Variants in RPL3 observed in about 807,000 individuals in gnomAD.
The protein encoded by RPL3 is ribosomal protein L3.
RPL3 carries 3 observed loss-of-function variants against 46.0 expected under a neutral mutation model. The ratio of observed to expected loss-of-function variants is 0.07; its 90% confidence interval spans 0.03 to 0.17. The LOEUF (loss-of-function observed/expected upper bound fraction) is 0.17, where lower values mean the gene tolerates loss of function less well. RPL3 is among the 10% of genes least tolerant of loss of function. The probability of loss-of-function intolerance (pLI) is 1.00; values close to 1 mark genes in which losing one functional copy is unlikely to be tolerated. For missense variants in RPL3, 387 were observed against 532.7 expected (o/e 0.73, Z 2.69); for synonymous variants, 224 against 190.8 (o/e 1.17, Z -1.43).
chr22:39,317,802 T>C (rs1277560467), intron 2 of RPL3, 173 bp from the exon 3 acceptor site: 2 of 663,724 alleles, frequency 3.0e-6, no homozygotes, highest in Non-Finnish European at 5.1e-6. Context: ...AGCACATTTA[T>C]GTTATTCAAA....
chr22:39,317,040 G>T, intron 3 of RPL3, 199 bp from the exon 4 acceptor site: 5 of 762,094 alleles, frequency 6.6e-6, no homozygotes, highest in Non-Finnish European at 8.7e-6. Flanking sequence ...AGGTCCACAA[G>T]GTTAATTTAA....
intron 4 of RPL3, 141 bp from the exon 5 acceptor site, chr22:39,315,696 A>G: frequency 2.1e-6 from 2 of 961,500 alleles, no homozygotes; most frequent in Non-Finnish European, 1.5e-6. Context: ...AACCTCACCA[A>G]GAGGAAGGAA....
At chr22:39,315,585 A>T in intron 4 of RPL3, 30 bp from the exon 5 acceptor site, 1 of 1,611,654 alleles carries the variant, frequency 6.2e-7, no homozygotes, top group Non-Finnish European at 8.5e-7. Flanking sequence ...GCTCAGCTCC[A>T]GCTGCCAGCG....
At chr22:39,316,888 C>T (rs1922731158) in intron 3 of RPL3, 47 bp from the exon 4 acceptor site, 1 of 1,612,898 alleles carries the variant, frequency 6.2e-7, no homozygotes, top group African/African-American at 1.3e-5. Flanking sequence ...TGCAGGCCTT[C>T]ATCACCCCTC....
chr22:39,318,670 C>A, intron 1 of RPL3, 78 bp from the exon 2 acceptor site: 1 of 1,210,432 alleles, frequency 8.3e-7, no homozygotes, highest in Non-Finnish European at 1.1e-6. Context: ...GCTTAAGTTC[C>A]AAATCTCAGC....
Position 39,314,777 on chromosome 22 carries a change from C to G in RPL3, c.758G>C (p.Cys253Ser). 6.2e-7 allele frequency: 1 copy of G among 1,613,746 alleles called. No homozygotes were observed. Among genetic ancestry groups the G allele is most frequent in the Non-Finnish European group, 8.5e-7 (1 of 1,179,986 alleles). Residue 253 changes from cysteine to serine, a missense_variant, in exon 6 of 10, where the codon TGT (cysteine) becomes TCT (serine). By Grantham distance (112) the Cys-to-Ser change is moderately radical. Coordinates refer to ENST00000216146, the MANE Select transcript of RPL3 (RefSeq NM_000967.4). ...KTHRGLRKVA[C>S]IGAWHPARVA... ...ACGAGCAGGATGCCATGCCCCAATA[C>G]AGGCCACCTTGCGCAGGCCTCGGTG...
intron 4 of RPL3, among the ~76,000 whole-genome samples, chr22:39,315,968 G>A (rs1016864702): frequency 4.6e-5 from 7 of 152,150 alleles, no homozygotes; most frequent in Admixed American, 6.5e-5. Context: ...CACCGGGAGC[G>A]GTGGCTCACA....
intron 3 of RPL3, chr22:39,317,202 GT>G: frequency 1.8e-6 from 1 of 569,682 alleles, no homozygotes; most frequent in Non-Finnish European, 3.1e-6. Flanking sequence ...ACCTCTCCTG[GT>G]TTCTAGTTGG....
At chr22:39,314,498 A>G (rs1407151643) in intron 6 of RPL3, 188 bp downstream of exon 6, 6 of 702,732 alleles carry the variant, frequency 8.5e-6, no homozygotes, top group Non-Finnish European at 1.4e-5. Context: ...GCCCCACCAC[A>G]GCCACTCTAC....
chr22:39,316,994 G>A, intron 3 of RPL3, 153 bp from the exon 4 acceptor site: 1 of 1,155,218 alleles, frequency 8.7e-7, no homozygotes. Context: ...GAGCCTGGAT[G>A]GAGCTCATCG....
At position 39,313,209 on chromosome 22, in the gene RPL3, C is replaced by T. The variant is rs532945767; in HGVS notation, c.1149G>A (p.Glu383=). 12 of 1,608,792 alleles carry T rather than the reference C, an allele frequency of 7.5e-6. No homozygotes were observed. In the East Asian group the frequency reaches 2.5e-4, roughly 33 times the overall value. Residue 383 remains glutamate, a synonymous_variant, in exon 9 of 10, where the codon GAG becomes GAA. Coordinates refer to ENST00000216146, the MANE Select transcript of RPL3 (RefSeq NM_000967.4). ...KFGHGRFQTM[E]EKKAFMGPLK... is the part of the protein sequence containing the mutation. Reference sequence around the variant, plus strand: ...TGCTCACCATGAATGCTTTCTTCTCCTCCATGGTCTGGAAGCGGCCATGGC... The same window carrying T: ...TGCTCACCATGAATGCTTTCTTCTCTTCCATGGTCTGGAAGCGGCCATGGC...
chr22:39,313,444 A>G, intron 8 of RPL3, 134 bp from the exon 9 acceptor site: 5 of 1,440,820 alleles, frequency 3.5e-6, no homozygotes, highest in Non-Finnish European at 4.8e-6. Flanking sequence ...ATGAGGACAC[A>G]CTCAAAGCAG....
In RPL3 at chr22:39,313,660, T is replaced by C. The variant is rs1418774585; in HGVS notation, c.1021A>G (p.Lys341Glu). 1 of 1,614,056 alleles carries C rather than the reference T, an allele frequency of 6.2e-7. No individual in the cohort carries two copies. Among genetic ancestry groups the C allele is most frequent in the South Asian group, 1.1e-5 (1 of 91,086 alleles). ...TTGCGGAGGGTGAGCACCCGCTTCT[T>C]GGTTCCCACCACACAGCCTTTCAGC... ...VMLKGCVVGT[K>E]KRVLTLRKSL... The change falls in exon 8 of 10, where the codon AAG becomes GAG. Residue 341 changes from lysine to glutamate, a missense_variant. Lys to Glu is a moderately conservative substitution (Grantham distance 56). Coordinates refer to ENST00000216146, the MANE Select transcript of RPL3 (RefSeq NM_000967.4).
chr22:39,313,437 A>C, intron 8 of RPL3, 127 bp from the exon 9 acceptor site: 1 of 1,463,420 alleles, frequency 6.8e-7, no homozygotes, highest in Non-Finnish European at 9.4e-7. Flanking sequence ...CCGGCAGATG[A>C]GGACACACTC....
intron 5 of RPL3, 54 bp downstream of exon 5, chr22:39,315,315 G>A: frequency 1.2e-6 from 2 of 1,611,264 alleles, no homozygotes; most frequent in East Asian, 2.2e-5. Context: ...AGCTGGGCCT[G>A]AAACCACTTC....
In RPL3 at chr22:39,312,883, G is replaced by T; in HGVS notation, c.*57C>A. ...TCTCTCCTGAAGAAAGAGGCAAGAT[G>T]TCAGTGGAAAATAACTTTTATTGAG... On this transcript the variant is annotated 3_prime_UTR_variant, in exon 10 of 10. Coordinates refer to ENST00000216146, the MANE Select transcript of RPL3 (RefSeq NM_000967.4). 1 of 1,604,860 alleles carries T rather than the reference G, an allele frequency of 6.2e-7. No homozygotes were observed. The highest frequency in any genetic ancestry group is 1.7e-5 in the Admixed American group (1 of 59,970).
intron 2 of RPL3, 23 bp downstream of exon 2, chr22:39,318,377 A>G (rs747461894): frequency 5.0e-6 from 8 of 1,603,918 alleles, no homozygotes. Context: ...TATTCCCCCA[A>G]CTTTTAGGAT....
intron 1 of RPL3, 123 bp from the exon 2 acceptor site, chr22:39,318,715 C>T: frequency 1.2e-6 from 1 of 818,906 alleles, no homozygotes; most frequent in Non-Finnish European, 1.9e-6. Context: ...ACCCAGCAAG[C>T]CGAATAAAAA....
At position 39,319,578 on chromosome 22, in the gene RPL3, G is replaced by A. The variant is rs8135052; in HGVS notation, c.3+17C>T. 8.7e-5 allele frequency: 137 copies of A among 1,569,014 alleles called. 1 individual carries two copies. In the African/African-American group the frequency reaches 1.4e-3, roughly 16 times the overall value. Reference sequence around the variant, plus strand: ...CGACGCCGGTGACAATGAAACGGCCGCCATTACAACACATACCATCACGCC... The same window carrying A: ...CGACGCCGGTGACAATGAAACGGCCACCATTACAACACATACCATCACGCC... On this transcript the variant is annotated intron_variant, in intron 1 of 9. Transcript: ENST00000216146.
Sources: allele counts gnomAD v4.1 joint callset (sites outside exome capture counted in the v4.1 genomes callset), GRCh38; gene constraint gnomAD v4.1.1; transcripts MANE v1.5; gene names NCBI Gene and HGNC (gene_info 2026-07-23, HGNC 2026-07-21).